The following UBTF variants were observed in gnomAD, a reference collection of about 807,000 sequenced individuals.
The protein encoded by UBTF is upstream binding transcription factor, also known as nucleolar transcription factor 1.
Under a neutral mutation model 112.3 loss-of-function variants are expected in UBTF, and 8 were observed. The observed-to-expected ratio is 0.07, with a 90% CI of 0.04 to 0.13. UBTF has a LOEUF of 0.13. Among genes scored for constraint, UBTF ranks in the 10% least tolerant of loss-of-function variants. UBTF has a pLI of 1.00. For synonymous variants in UBTF, 417 were observed against 373.1 expected (o/e 1.12, Z -1.36); for missense variants, 457 against 982.1 (o/e 0.47, Z 7.15).
chr17:44,220,826 C>T (rs1431784515), upstream of UBTF: 1 of 152,154 alleles, frequency 6.6e-6, no homozygotes, highest in African/African-American at 2.4e-5. Flanking sequence ...GCAGCCGACG[C>T]CGGGGCAGCG....
chr17:44,207,461 C>T lies in UBTF; in HGVS notation c.2162G>A (p.Gly721Glu). The change falls in exon 20 of 21, where the codon GGG becomes GAG. Residue 721 changes from glycine (G) to glutamate (E), a missense_variant. By Grantham distance (98) the Gly-to-Glu change is moderately conservative. Around this residue, in one of 7 missense-constraint regions of UBTF, gnomAD observed 139 missense variants for 157.5 expected, o/e 0.88. Transcript: ENST00000436088. Reference protein sequence around the residue: ...ESSSEDESEDGDENEEDDEDE... With the variant: ...ESSSEDESEDEDENEEDDEDE... The stretch of plus-strand genomic sequence containing the variant: ...GTGCCCTGTCTGCCCCACCTCATCC[C>T]CATCCTCGCTCTCGTCCTCGCTGCT... 6.2e-7 allele frequency: 1 copy of T among 1,613,928 alleles called. No individual in the cohort carries two copies. The highest frequency in any genetic ancestry group is 8.5e-7 in the Non-Finnish European group (1 of 1,179,906).
rs779234697 is a variant in UBTF, at chr17:44,215,382, A to G, written c.474+272T>C. On this transcript the variant is annotated intron_variant, in intron 5 of 20. Coordinates refer to ENST00000436088, the MANE Select transcript of UBTF (RefSeq NM_014233.4). ...GAGGATGGGTGTATGGGGGAGAGAGAGCTTGAAACAGAATGCTGTGGGTTT... is the reference window on the plus strand; with the variant it reads ...GAGGATGGGTGTATGGGGGAGAGAGGGCTTGAAACAGAATGCTGTGGGTTT... The G allele has an allele frequency of 5.7e-4, 264 of 461,948 alleles. 3 individuals carry two copies. Among genetic ancestry groups the G allele is most frequent in the Non-Finnish European group, 1.6e-4 (40 of 255,760 alleles). The allele number at this position is 461,948 out of a possible 1,614,324, so 28.6% of individuals were successfully genotyped here.
In UBTF at chr17:44,207,568, CTCATCCTCTTCA is replaced by C; in HGVS notation, c.2043_2054del (p.Asp681_Asp684del). On this transcript the variant is annotated inframe_deletion, in exon 20 of 21. Transcript: ENST00000436088. ...CTTCTTCATCCTCGTCCTCGTCATC[CTCATCCTCTTCA>C]TCATCCTCCTCGGACTCCTTGGAGG... 6.2e-7 allele frequency: 1 copy of C among 1,614,144 alleles called. No homozygotes were observed. The highest frequency in any genetic ancestry group is 8.5e-7 in the Non-Finnish European group (1 of 1,180,016).
At chr17:44,212,243 G>A (rs1171266700) in intron 8 of UBTF, 101 bp downstream of exon 8, 2 of 1,026,908 alleles carry the variant, frequency 1.9e-6, no homozygotes, top group African/African-American at 3.2e-5. Context: ...CCTCAACAGA[G>A]GGATGGGGAG....
intron 17 of UBTF, chr17:44,209,050 C>A: frequency 3.0e-6 from 1 of 333,466 alleles, no homozygotes; most frequent in South Asian, 2.8e-5. Context: ...ATGTCTGTAG[C>A]CCCAGCTACT....
chr17:44,219,043 G>T (rs1014596000), intron 1 of UBTF: 1 of 148,672 alleles, frequency 6.7e-6, no homozygotes, highest in Non-Finnish European at 1.5e-5. Context: ...ACCGCGGCGG[G>T]AACCGCCGCC....
chr17:44,207,615 A>C lies in UBTF; in HGVS notation c.2026-18T>G, dbSNP rs375432039. 1.2e-6 allele frequency: 2 copies of C among 1,614,016 alleles called. No homozygotes were observed. Among genetic ancestry groups the C allele is most frequent in the African/African-American group, 2.7e-5 (2 of 74,908 alleles). On this transcript the variant is annotated intron_variant, in intron 19 of 20. Transcript: ENST00000436088. ...TCGGACTCCTTGGAGGGATGGAGGC[A>C]CATCAGTGGTCTCTGGTCTCTGCCC...
chr17:44,211,852 C>T lies in UBTF; in HGVS notation c.905+21G>A, dbSNP rs970296368. 6 of 1,609,468 alleles carry T rather than the reference C, an allele frequency of 3.7e-6. No individual in the cohort carries two copies. Among genetic ancestry groups the T allele is most frequent in the Non-Finnish European group, 5.1e-6 (6 of 1,177,958 alleles). On this transcript the variant is annotated intron_variant, in intron 9 of 20. Transcript: ENST00000436088. The surrounding 1 kb of genome is among the most constrained non-coding windows in gnomAD (Gnocchi z 4.9). ...ACTTCCCAGCTGCCCACTCGCCCAC[C>T]CATCCCAGGGCAGCGCTCACGGAGG...
intron 1 of UBTF, chr17:44,219,154 G>C (rs2047028678): frequency 6.6e-6 from 1 of 150,632 alleles, no homozygotes; most frequent in African/African-American, 2.4e-5. Flanking sequence ...CGGGAGGCGG[G>C]GGCGCAGCGC....
At chr17:44,220,275 A>T (rs768193337), upstream of UBTF, among the ~76,000 whole-genome samples, 19 of 151,264 alleles carry the variant, frequency 1.3e-4, no homozygotes, top group Non-Finnish European at 2.2e-4. Flanking sequence ...GCGTCCGGGG[A>T]GGCTCGGGGG....
rs376194709 is a variant in UBTF at position 44,219,613 on chromosome 17, TGGCGGC to T, written c.-242_-237del. On this transcript the variant is annotated 5_prime_UTR_variant, in exon 1 of 21. Coordinates refer to ENST00000436088, the MANE Select transcript of UBTF (RefSeq NM_014233.4). ...GCTGGGGCGGCGGCTGCTGCTGCTG[TGGCGGC>T]GGCGGCGGCGGCGGCGGCTGTGGCT... 159,995 of 161,520 alleles carry T rather than the reference TGGCGGC, an allele frequency of 0.99. 79,238 individuals are homozygous for T. Among genetic ancestry groups the T allele is most frequent in the Admixed American group, 1 (15,128 of 15,176 alleles). 10.0% of individuals were successfully genotyped at this position (161,520 alleles called of 1,614,324 possible). A position where few individuals can be genotyped will look rare whatever the true frequency, so the allele number is the denominator to read the frequency against.
At chr17:44,208,939 C>T (rs1008569452) in intron 17 of UBTF, 10 of 345,054 alleles carry the variant, frequency 2.9e-5, no homozygotes, top group African/African-American at 2.0e-4. Context: ...AGTCCCAGTG[C>T]TTTGGGAGGC....
At chr17:44,210,667 C>T in intron 13 of UBTF, 125 bp downstream of exon 13, 1 of 1,408,020 alleles carries the variant, frequency 7.1e-7, no homozygotes, top group South Asian at 1.5e-5. Flanking sequence ...GGGCGCCGGC[C>T]CCACGTCCCA....
In UBTF at chr17:44,207,344, T is replaced by C. The variant is rs759120812; in HGVS notation, c.2193A>G (p.Glu731=). 1 of 1,612,546 alleles carries C rather than the reference T, an allele frequency of 6.2e-7. No individual in the cohort carries two copies. ...CCTCATCGTCATCCTCGTCGTCGTC[T>C]TCGTCCTCGTCATCCTCTTCATTCT... ...GDENEEDDED[E]DDDEDDDEDE... is the part of the protein sequence containing the mutation. Residue 731 remains glutamate, a synonymous_variant, in exon 21 of 21, where the codon GAA becomes GAG. Transcript: ENST00000436088.
intron 5 of UBTF, among the ~76,000 whole-genome samples, chr17:44,214,474 C>G (rs1245402609): frequency 6.6e-6 from 1 of 152,214 alleles, no homozygotes; most frequent in Non-Finnish European, 1.5e-5. Context: ...AGCACCTTGT[C>G]CACTCTACCA....
In UBTF at chr17:44,207,083, C is replaced by A. The variant is rs2056286439; in HGVS notation, c.*159G>T. 3 of 825,818 alleles carry A rather than the reference C, an allele frequency of 3.6e-6. No homozygotes were observed. The highest frequency in any genetic ancestry group is 3.6e-5 in the South Asian group (2 of 54,886). 51.2% of individuals were successfully genotyped at this position (825,818 alleles called of 1,614,324 possible). A position where few individuals can be genotyped will look rare whatever the true frequency, so the allele number is the denominator to read the frequency against. On this transcript the variant is annotated 3_prime_UTR_variant, in exon 21 of 21. Transcript: ENST00000436088. ...AGAGTCCTGGCCTGGGCTCCTCCAGCCCCCTACCCCCACCGTATTTTTTTT... is the reference window on the plus strand; with the variant it reads ...AGAGTCCTGGCCTGGGCTCCTCCAGACCCCTACCCCCACCGTATTTTTTTT...
chr17:44,210,679 C>T lies in UBTF; in HGVS notation c.1359+113G>A, dbSNP rs923293234. On this transcript the variant is annotated intron_variant, in intron 13 of 20. Coordinates refer to ENST00000436088, the MANE Select transcript of UBTF (RefSeq NM_014233.4). ...GCTGGGCGCCGGCCCCACGTCCCAG[C>T]CCAGGCACCGCGTGGCTCAGGCGGC... The T allele has an allele frequency of 6.1e-6, 9 of 1,466,812 alleles. No individual in the cohort carries two copies. The East Asian group carries it at 2.3e-4, about 37-fold the overall frequency. The allele number at this position is 1,466,812 out of a possible 1,614,324, so 90.9% of individuals were successfully genotyped here. A position where few individuals can be genotyped will look rare whatever the true frequency, so the allele number is the denominator to read the frequency against.
chr17:44,216,111 G>C, intron 3 of UBTF, 122 bp from the exon 4 acceptor site: 1 of 817,872 alleles, frequency 1.2e-6, no homozygotes, highest in African/African-American at 1.7e-5. Context: ...CCAAAGAAGA[G>C]CAGAGGCCAA....
chr17:44,216,197 C>T (rs1488982083), intron 3 of UBTF: 1 of 609,502 alleles, frequency 1.6e-6, no homozygotes, highest in African/African-American at 1.9e-5. Context: ...AGTCAGTACA[C>T]ACCAAAGGCC....
Sources: allele counts gnomAD v4.1 joint callset (sites outside exome capture counted in the v4.1 genomes callset), GRCh38; gene constraint gnomAD v4.1.1; regional missense constraint gnomAD v4.1.1; non-coding constraint Gnocchi (gnomAD v3.1); transcripts MANE v1.5; gene names NCBI Gene and HGNC (gene_info 2026-07-23, HGNC 2026-07-21).